Variants in CRYL1 observed in about 807,000 individuals in gnomAD.
CRYL1 encodes the protein lambda-crystallin homolog.
A neutral mutation model predicts 36.6 loss-of-function variants in CRYL1; 29 were observed. The ratio of observed to expected loss-of-function variants is 0.79; its 90% CI spans 0.59 to 1.08. The LOEUF is 1.08. Ranked by LOEUF, CRYL1 falls within the 50% of genes least tolerant of loss-of-function variation. The pLI is 0.00. For synonymous variants in CRYL1, 152 were observed against 151.5 expected, an observed-to-expected ratio of 1.00 and a Z score of -0.02; for missense variants, 411 against 407.9, an observed-to-expected ratio of 1.01 and a Z score of -0.06.
intron 3 of CRYL1, among the ~76,000 whole-genome samples, chr13:20,471,049 A>G (rs2033047810): frequency 6.6e-6 from 1 of 152,136 alleles, no homozygotes; most frequent in African/African-American, 2.4e-5. Context: ...TTCACAATAC[A>G]TAGAAGTTGT....
intron 1 of CRYL1, 26 bp from the exon 2 acceptor site, chr13:20,512,576 C>CGAGTACCATCCAGGGTACCATG: frequency 6.4e-7 from 1 of 1,550,588 alleles, no homozygotes; most frequent in Non-Finnish European, 8.9e-7. Flanking sequence ...AGAAAGGATT[C>CGAGTACCATCCAGGGTACCATG]GAGTTAATTT....
intron 5 of CRYL1, chr13:20,430,711 A>G: frequency 4.1e-6 from 4 of 985,414 alleles, no homozygotes; most frequent in Non-Finnish European, 4.8e-6. Context: ...AGAAAGCAAG[A>G]GTTTACTCAG....
chr13:20,522,911 CTTTTTTTTTTT>C (rs386378385), intron 1 of CRYL1, among the ~76,000 whole-genome samples: 1 of 82,960 alleles, frequency 1.2e-5, no homozygotes, highest in South Asian at 5.2e-4. Context: ...CCCATTTCTA[CTTTTTTTTTTT>C]TTTTTTTTTT....
chr13:20,421,836 G>C (rs1261169747), intron 5 of CRYL1, among the ~76,000 whole-genome samples: 4 of 151,650 alleles, frequency 2.6e-5, no homozygotes, highest in Non-Finnish European at 5.9e-5. Flanking sequence ...TACTAACATA[G>C]AAGCTTTGCA....
chr13:20,525,656 G>A lies in CRYL1; in HGVS notation c.41+98C>T. ...AGGACCGGAGGCCGGGGCGGGGACAGCGACCCGGCGCCCACCCCGAGGGCC... is the reference window on the plus strand; with the variant it reads ...AGGACCGGAGGCCGGGGCGGGGACAACGACCCGGCGCCCACCCCGAGGGCC... On this transcript the variant is annotated intron_variant, in intron 1 of 7. Transcript: ENST00000298248. This position sits in a 1 kb window ranked among gnomAD's most constrained non-coding sequence, Gnocchi z 4.3. 1 of 1,027,582 alleles carries A rather than the reference G, an allele frequency of 9.7e-7. No homozygotes were observed. Among genetic ancestry groups the A allele is most frequent in the Non-Finnish European group, 1.3e-6 (1 of 794,904 alleles). 63.7% of individuals were successfully genotyped at this position (1,027,582 alleles called of 1,614,324 possible). A position where few individuals can be genotyped will look rare whatever the true frequency, so the allele number is the denominator to read the frequency against.
intron 3 of CRYL1, among the ~76,000 whole-genome samples, chr13:20,469,427 C>G (rs1370219862): frequency 6.6e-6 from 1 of 150,990 alleles, no homozygotes; most frequent in Non-Finnish European, 1.5e-5. Flanking sequence ...AAGTTCAGGT[C>G]TGGGTCAGCA....
At position 20,447,468 on chromosome 13, in the gene CRYL1, A is replaced by G. The variant is rs184455935; in HGVS notation, c.277-7714T>C. 8.5e-5 allele frequency among the ~76,000 whole-genome samples: 13 copies of G among 152,160 alleles called. No homozygotes were observed. In the East Asian group the frequency reaches 2.5e-3, roughly 29 times the overall value. ...GAGCACTGAGTAGGTCCGACCCCCA[A>G]GTTGCAGGGACACAGTGCCTCCTAC... On this transcript the variant is annotated intron_variant, in intron 3 of 7. Coordinates refer to ENST00000298248, the MANE Select transcript of CRYL1 (RefSeq NM_015974.3).
At chr13:20,428,278 C>T (rs78531571) in intron 5 of CRYL1, among the ~76,000 whole-genome samples, 2,541 of 152,236 alleles carry the variant, frequency 0.017, 35 homozygotes, top group Non-Finnish European at 0.03. Context: ...GTCACTGGAG[C>T]GTTCCAGATC....
At chr13:20,412,324 C>T (rs993873687) in intron 6 of CRYL1, among the ~76,000 whole-genome samples, 1 of 152,104 alleles carries the variant, frequency 6.6e-6, no homozygotes, top group Admixed American at 6.5e-5. Flanking sequence ...TAAGCCCCAG[C>T]TTCTCAGTAT....
intron 3 of CRYL1, among the ~76,000 whole-genome samples, chr13:20,468,398 A>T (rs1215439616): frequency 2.0e-5 from 3 of 152,192 alleles, no homozygotes; most frequent in African/African-American, 7.2e-5. Context: ...AGTAGCTGGA[A>T]CTACAGATGC....
chr13:20,431,054 G>A (rs1296151065), intron 5 of CRYL1: 15 of 985,276 alleles, frequency 1.5e-5, no homozygotes, highest in African/African-American at 7.0e-5. Context: ...AAATGCACCC[G>A]GCAGTCCAGT....
At chr13:20,437,711 AC>A (rs2032261319) in intron 4 of CRYL1, among the ~76,000 whole-genome samples, 1 of 152,182 alleles carries the variant, frequency 6.6e-6, no homozygotes, top group African/African-American at 2.4e-5. Flanking sequence ...TGGTCAAGGG[AC>A]TGGGCTGGGT....
At position 20,440,566 on chromosome 13, in the gene CRYL1, CA is replaced by C. The variant is rs537753909; in HGVS notation, c.277-813del. Among the ~76,000 whole-genome samples the C allele has an allele frequency of 3.3e-4, 51 of 152,240 alleles. 1 individual carries two copies. The South Asian group carries it at 0.01, about 31-fold the overall frequency. ...ACGATATGGGGGTGGATTCTACAAA[CA>C]AAACACACAACAGCACCCCAGGCAA... On this transcript the variant is annotated intron_variant, in intron 3 of 7. Transcript: ENST00000298248.
At chr13:20,468,098 G>T (rs1159759808) in intron 3 of CRYL1, among the ~76,000 whole-genome samples, 1 of 152,098 alleles carries the variant, frequency 6.6e-6, no homozygotes, top group Non-Finnish European at 1.5e-5. Flanking sequence ...GAAAAAAACT[G>T]TCTTCCACAG....
chr13:20,483,078 T>G (rs969165583), intron 3 of CRYL1, among the ~76,000 whole-genome samples: 7 of 152,076 alleles, frequency 4.6e-5, no homozygotes, highest in African/African-American at 1.7e-4. Flanking sequence ...AGAAGCTGGT[T>G]AATGAGTACA....
At chr13:20,416,882 T>C (rs2031682072) in intron 5 of CRYL1, among the ~76,000 whole-genome samples, 1 of 152,178 alleles carries the variant, frequency 6.6e-6, no homozygotes, top group Admixed American at 6.5e-5. Flanking sequence ...CCAACTCCCA[T>C]GTTCTCAGTT....
intron 3 of CRYL1, among the ~76,000 whole-genome samples, chr13:20,440,428 GAT>G (rs2032326910): frequency 6.6e-6 from 1 of 152,168 alleles, no homozygotes; most frequent in Non-Finnish European, 1.5e-5. Flanking sequence ...TGGAAAATAC[GAT>G]AAATCTTGAT....
intron 3 of CRYL1, among the ~76,000 whole-genome samples, chr13:20,460,959 C>G (rs2032805638): frequency 6.6e-6 from 1 of 152,028 alleles, no homozygotes; most frequent in Non-Finnish European, 1.5e-5. Flanking sequence ...AGCAAGGAAC[C>G]CTTCCCAGCG....
At chr13:20,522,526 A>T (rs562225006) in intron 1 of CRYL1, among the ~76,000 whole-genome samples, 1 of 152,196 alleles carries the variant, frequency 6.6e-6, no homozygotes, top group Non-Finnish European at 1.5e-5. Context: ...AAAAATAAGC[A>T]GTCTCTGTTA....
Sources: gnomAD v4.1 joint callset for allele counts (sites outside exome capture counted in the v4.1 genomes callset) on GRCh38, gnomAD v4.1.1 for gene constraint, Gnocchi (gnomAD v3.1) non-coding constraint, MANE v1.5 for transcripts, NCBI Gene and HGNC (gene_info 2026-07-23, HGNC 2026-07-21) for gene names.